TVP23A: variants seen among roughly 807,000 people sequenced by gnomAD.
TVP23A encodes trans-golgi network vesicle protein 23 homolog A.
TVP23A carries 21 observed loss-of-function variants against 31.7 expected under a neutral mutation model. The ratio of observed to expected loss-of-function variants is 0.66; its 90% confidence interval spans 0.47 to 0.95. The LOEUF (loss-of-function observed/expected upper bound fraction) is 0.95, where lower values mean the gene tolerates loss of function less well. TVP23A is among the 40% of genes least tolerant of loss of function. The probability of loss-of-function intolerance (pLI) is 0.00; values close to 1 mark genes in which losing one functional copy is unlikely to be tolerated. For synonymous variants in TVP23A, 104 were observed against 96.0 expected (o/e 1.08, Z -0.49); for missense variants, 279 against 255.6 (o/e 1.09, Z -0.62).
At chr16:10,774,264 G>T in intron 3 of TVP23A, 136 bp from the exon 4 acceptor site, 2 of 564,740 alleles carry the variant, frequency 3.5e-6, no homozygotes, top group Non-Finnish European at 6.1e-6. Context: ...GAATTGTAGT[G>T]GATTCTCAGA....
rs914648826 is a variant in TVP23A, at chr16:10,818,320, T to C, written c.10-138A>G. ...GGACCCTCCGAGCTGGCGGGGCCCC[T>C]CCGCTGCGGCTGCAGTGCAAAGCCC... is the stretch of plus-strand genomic sequence containing the variant. On this transcript the variant is annotated intron_variant, in intron 1 of 7. Transcript: ENST00000299866. This position sits in a 1 kb window ranked among gnomAD's most constrained non-coding sequence, Gnocchi z 4.7. 2 of 1,201,794 alleles carry C rather than the reference T, an allele frequency of 1.7e-6. No individual in the cohort carries two copies. Among genetic ancestry groups the C allele is most frequent in the Admixed American group, 4.5e-5 (2 of 44,190 alleles). The allele number at this position is 1,201,794 out of a possible 1,614,324, so 74.4% of individuals were successfully genotyped here.
rs1011657579 is a variant in TVP23A, at chr16:10,770,523, T to C, written c.583-192A>G. Among the ~76,000 whole-genome samples, 4 of 151,734 alleles carry C rather than the reference T, an allele frequency of 2.6e-5. No individual in the cohort carries two copies. In the South Asian group the frequency reaches 8.3e-4, roughly 32 times the overall value. ...ATTTCAGGATGAACCTGGTCAAATT[T>C]CAAAGACTTCTGTCTCTCACTTTTA... is the stretch of plus-strand genomic sequence containing the variant. On this transcript the variant is annotated intron_variant, in intron 6 of 7. Coordinates refer to ENST00000299866, the MANE Select transcript of TVP23A (RefSeq NM_001079512.4).
In TVP23A at chr16:10,786,787, T is replaced by C. The variant is rs148116052; in HGVS notation, c.90-11691A>G. On this transcript the variant is annotated intron_variant, in intron 2 of 7. Coordinates refer to ENST00000299866, the MANE Select transcript of TVP23A (RefSeq NM_001079512.4). ...GGAACGTCAGGTTCATTGTTCTCTA[T>C]ACTTTTACGTAAATTTGAATTTAAA... 2.0e-3 allele frequency among the ~76,000 whole-genome samples: 302 copies of C among 151,768 alleles called. 1 individual carries two copies. The South Asian group carries it at 0.021, about 10-fold the overall frequency.
chr16:10,797,233 A>G (rs374265668), intron 2 of TVP23A, among the ~76,000 whole-genome samples: 5 of 151,908 alleles, frequency 3.3e-5, no homozygotes, highest in African/African-American at 1.2e-4. Flanking sequence ...TTGTAGTTTT[A>G]TTTTTAAAAA....
chr16:10,801,121 G>C (rs751894039), intron 2 of TVP23A, among the ~76,000 whole-genome samples: 14 of 152,106 alleles, frequency 9.2e-5, no homozygotes, highest in Admixed American at 1.3e-4. Flanking sequence ...TGGGTTCTTT[G>C]AGTGGCAAAG....
intron 5 of TVP23A, 42 bp downstream of exon 5, chr16:10,773,271 C>G: frequency 6.5e-7 from 1 of 1,546,810 alleles, no homozygotes; most frequent in East Asian, 2.3e-5. Flanking sequence ...ACTTTTTTTG[C>G]AGAGACATCA....
At chr16:10,769,171 A>C in intron 7 of TVP23A, 70 bp from the exon 8 acceptor site, 1 of 1,466,358 alleles carries the variant, frequency 6.8e-7, no homozygotes, top group Non-Finnish European at 9.5e-7. Context: ...ACATCCAGCC[A>C]GACCCGACCA....
chr16:10,818,676 C>A lies in TVP23A; in HGVS notation c.-183G>T. ...TCGGGTGGGGCGGGGCGCTCGGGGC[C>A]TAAGGCGCAGTCGCAGGCTGGGGAG... On this transcript the variant is annotated 5_prime_UTR_variant, in exon 1 of 8. The change creates a new upstream start codon in the 5' untranslated region. Coordinates refer to ENST00000299866, the MANE Select transcript of TVP23A (RefSeq NM_001079512.4). The surrounding 1 kb of genome is among the most constrained non-coding windows in gnomAD (Gnocchi z 4.7). 3 of 660,526 alleles carry A rather than the reference C, an allele frequency of 4.5e-6. No homozygotes were observed. The highest frequency in any genetic ancestry group is 7.0e-6 in the Non-Finnish European group (3 of 428,516). 40.9% of individuals were successfully genotyped at this position (660,526 alleles called of 1,614,324 possible).
downstream of TVP23A, chr16:10,761,830 T>G (rs148259153): frequency 6.2e-7 from 1 of 1,614,050 alleles, no homozygotes; most frequent in African/African-American, 1.3e-5. Context: ...GTCCCTCTCC[T>G]CGGCAGAGTG....
intron 2 of TVP23A, among the ~76,000 whole-genome samples, chr16:10,784,733 G>C (rs1567290968): frequency 2.0e-5 from 3 of 152,124 alleles, no homozygotes; most frequent in Non-Finnish European, 2.9e-5. Flanking sequence ...GGAGAAATTG[G>C]GGGAGAAGGG....
intron 2 of TVP23A, among the ~76,000 whole-genome samples, chr16:10,801,580 C>A (rs761424941): frequency 1.3e-5 from 2 of 152,106 alleles, no homozygotes; most frequent in Non-Finnish European, 2.9e-5. Context: ...CCTCAGCCTC[C>A]TGAGTAGCTG....
chr16:10,801,417 G>A (rs1307278560), intron 2 of TVP23A, among the ~76,000 whole-genome samples: 5 of 152,046 alleles, frequency 3.3e-5, no homozygotes, highest in Admixed American at 1.3e-4. Flanking sequence ...AGAAAGGCTC[G>A]GAATAGTTCC....
intron 2 of TVP23A, among the ~76,000 whole-genome samples, chr16:10,785,642 A>G (rs1376520555): frequency 6.6e-6 from 1 of 152,232 alleles, no homozygotes; most frequent in Non-Finnish European, 1.5e-5. Flanking sequence ...GTCCAAGGTG[A>G]TCAGAGCACA....
Position 10,777,241 on chromosome 16 carries a change from G to T in TVP23A, c.90-2145C>A, listed in dbSNP as rs1051154345. ...AGCTGTGCAAACCAGACCCAGTACT[G>T]CCAGAGCCAAGATTTTCATGAGAAG... On this transcript the variant is annotated intron_variant, in intron 2 of 7. Coordinates refer to ENST00000299866, the MANE Select transcript of TVP23A (RefSeq NM_001079512.4). The surrounding 1 kb of genome is among the most constrained non-coding windows in gnomAD (Gnocchi z 4.5). Among the ~76,000 whole-genome samples, 14 of 152,152 alleles carry T rather than the reference G, an allele frequency of 9.2e-5. No individual in the cohort carries two copies. The highest frequency in any genetic ancestry group is 3.4e-4 in the African/African-American group (14 of 41,428).
intron 2 of TVP23A, among the ~76,000 whole-genome samples, chr16:10,797,696 G>A (rs1165259377): frequency 6.6e-6 from 1 of 152,008 alleles, no homozygotes; most frequent in Non-Finnish European, 1.5e-5. Flanking sequence ...CTCCAACCTT[G>A]ATGACAAAGT....
At chr16:10,788,864 TG>T (rs2032930228) in intron 2 of TVP23A, among the ~76,000 whole-genome samples, 1 of 151,986 alleles carries the variant, frequency 6.6e-6, no homozygotes, top group Admixed American at 6.6e-5. Context: ...TTCAAAGGAG[TG>T]TCCTTCTCCT....
rs758186337 is a variant in TVP23A at position 10,767,939 on chromosome 16, CT to C, written c.*1162del. ...GGACTGAATTGTCTTCCGTTTGTTT[CT>C]TTTTTAAGGTAAGAATTGTGACAAA... On this transcript the variant is annotated 3_prime_UTR_variant, in exon 8 of 8. Transcript: ENST00000299866. This position sits in a 1 kb window ranked among gnomAD's most constrained non-coding sequence, Gnocchi z 4.6. 6.2e-7 allele frequency: 1 copy of C among 1,613,884 alleles called. No individual in the cohort carries two copies. Among genetic ancestry groups the C allele is most frequent in the South Asian group, 1.1e-5 (1 of 91,074 alleles).
chr16:10,757,396 C>G (rs1194278007), downstream of TVP23A, among the ~76,000 whole-genome samples: 1 of 152,126 alleles, frequency 6.6e-6, no homozygotes. This position sits in a 1 kb window ranked among gnomAD's most constrained non-coding sequence, Gnocchi z 4.1. Flanking sequence ...GGTACTGAGA[C>G]TTAAGGTAAT....
At chr16:10,810,318 G>A (rs1198836837) in intron 2 of TVP23A, among the ~76,000 whole-genome samples, 1 of 152,112 alleles carries the variant, frequency 6.6e-6, no homozygotes, top group Non-Finnish European at 1.5e-5. Flanking sequence ...AGAGGCCAAG[G>A]TGGGAGGATC....
Sources: gnomAD v4.1 joint callset for allele counts (sites outside exome capture counted in the v4.1 genomes callset) on GRCh38, gnomAD v4.1.1 for gene constraint, Gnocchi (gnomAD v3.1) non-coding constraint, MANE v1.5 for transcripts, NCBI Gene and HGNC (gene_info 2026-07-23, HGNC 2026-07-21) for gene names.